Variants in LINGO2 observed in about 807,000 individuals in gnomAD.
LINGO2 encodes leucine rich repeat and Ig domain containing 2, also known as leucine-rich repeat and immunoglobulin-like domain-containing nogo receptor-interacting protein 2.
Under a neutral mutation model 30.6 loss-of-function variants are expected in LINGO2, and 14 were observed. The ratio of observed to expected loss-of-function variants is 0.46; its 90% confidence interval spans 0.30 to 0.72. The LOEUF is 0.72. Among genes scored for constraint, LINGO2 ranks in the 30% least tolerant of loss-of-function variants. The pLI, the probability that LINGO2 is intolerant of heterozygous loss-of-function variation, is 0.07. For missense variants in LINGO2, 729 were observed against 751.7 expected (o/e 0.97, Z 0.35); for synonymous variants, 317 against 288.5 (o/e 1.10, Z -1.00).
At chr9:28,226,264 C>A (rs1272377330) in intron 4 of LINGO2, among the ~76,000 whole-genome samples, 2 of 152,074 alleles carry the variant, frequency 1.3e-5, no homozygotes, top group Non-Finnish European at 2.9e-5. Context: ...CTGGAAAGCT[C>A]AGCTACATCT....
rs539743541 is a variant in LINGO2, at chr9:28,097,049, GAA to G, written c.-86-84646_-86-84645del. 5.3e-3 allele frequency among the ~76,000 whole-genome samples: 806 copies of G among 151,216 alleles called. 5 individuals carry two copies. The highest frequency in any genetic ancestry group is 0.019 in the African/African-American group (781 of 41,234). On this transcript the variant is annotated intron_variant, in intron 4 of 5. Transcript: ENST00000379992. ...AAAAGAAACAAAATTGAAAAAAAAA[GAA>G]GACATTTATGCAGCCAAAAAACACA...
intron 3 of LINGO2, among the ~76,000 whole-genome samples, chr9:28,357,327 C>CCCCAAA (rs55802733): frequency 2.1e-5 from 3 of 139,608 alleles, no homozygotes; most frequent in African/African-American, 5.3e-5. Context: ...CCACCCCCCC[C>CCCCAAA]AAAAAAGAAA....
intron 1 of LINGO2, among the ~76,000 whole-genome samples, chr9:28,669,264 G>A (rs1828923678): frequency 6.6e-6 from 1 of 152,034 alleles, no homozygotes; most frequent in Non-Finnish European, 1.5e-5. Flanking sequence ...TGAGACAAGT[G>A]GACTTGGCTG....
chr9:28,568,827 C>A lies in LINGO2; in HGVS notation c.-364-92802G>T, dbSNP rs188801963. On this transcript the variant is annotated intron_variant, in intron 1 of 5. Coordinates refer to ENST00000379992, the Ensembl canonical transcript of LINGO2. Reference sequence around the variant, plus strand: ...AACGAGTTCATCAAAACTAGATCTGCCTTGGAAAAAATGCTAGACTGTTCT... The same window carrying A: ...AACGAGTTCATCAAAACTAGATCTGACTTGGAAAAAATGCTAGACTGTTCT... Among the ~76,000 whole-genome samples the A allele has an allele frequency of 1.3e-4, 19 of 150,240 alleles. No homozygotes were observed. The East Asian group carries it at 3.3e-3, about 26-fold the overall frequency.
intron 4 of LINGO2, among the ~76,000 whole-genome samples, chr9:28,232,419 CAAAAAA>C (rs1220539550): frequency 1.3e-5 from 1 of 79,802 alleles, no homozygotes. Flanking sequence ...TTCTATCTCA[CAAAAAA>C]AAAAAAAAAA....
At chr9:28,057,640 A>ACACATATATGTATATACATATATATAC (rs1235437530) in intron 4 of LINGO2, among the ~76,000 whole-genome samples, 4 of 97,684 alleles carry the variant, frequency 4.1e-5, no homozygotes, top group Non-Finnish European at 4.8e-5. Flanking sequence ...CACATATATA[A>ACACATATATGTATATACATATATATAC]ACCTGTTCAA....
intron 4 of LINGO2, among the ~76,000 whole-genome samples, chr9:28,266,818 T>C (rs376514558): frequency 3.0e-4 from 46 of 152,154 alleles, no homozygotes; most frequent in East Asian, 1.6e-3. Flanking sequence ...TCCTGGTCCC[T>C]TGTGCCCTGA....
At chr9:29,192,002 G>A in the LINGO2 span, among the ~76,000 whole-genome samples, 2 of 151,928 alleles carry the variant, frequency 1.3e-5, no homozygotes, top group Non-Finnish European at 2.9e-5. Context: ...CAACATTAAT[G>A]TAAAATACCC....
chr9:28,487,941 C>A (rs1051149241), intron 1 of LINGO2, among the ~76,000 whole-genome samples: 1 of 152,066 alleles, frequency 6.6e-6, no homozygotes, highest in Non-Finnish European at 1.5e-5. Context: ...AAAAGCCAAA[C>A]AAAACAAGAG....
the LINGO2 span, among the ~76,000 whole-genome samples, chr9:29,116,390 A>G: frequency 6.6e-6 from 1 of 152,140 alleles, no homozygotes; most frequent in Non-Finnish European, 1.5e-5. Flanking sequence ...TTTTAAAGAT[A>G]AAATCTTCCA....
At chr9:28,967,923 G>T in the LINGO2 span, among the ~76,000 whole-genome samples, 1 of 152,162 alleles carries the variant, frequency 6.6e-6, no homozygotes, top group African/African-American at 2.4e-5. Context: ...CTTTAAGGAA[G>T]TTTTATCAAA....
chr9:29,161,453 A>T, the LINGO2 span, among the ~76,000 whole-genome samples: 18 of 152,210 alleles, frequency 1.2e-4, no homozygotes, highest in African/African-American at 4.3e-4. Context: ...AACTAGGTAA[A>T]GCAAGTATAT....
At chr9:28,621,341 A>G (rs927756719) in intron 1 of LINGO2, among the ~76,000 whole-genome samples, 2 of 151,968 alleles carry the variant, frequency 1.3e-5, no homozygotes, top group African/African-American at 4.8e-5. Flanking sequence ...TGACATATAG[A>G]GTCATACCAT....
the LINGO2 span, among the ~76,000 whole-genome samples, chr9:28,932,902 A>ATATTATTATTATTAT: frequency 4.0e-5 from 6 of 149,796 alleles, no homozygotes; most frequent in Admixed American, 2.0e-4. Flanking sequence ...TCTTTTTATT[A>ATATTATTATTATTAT]TATTATTATT....
At chr9:28,204,653 T>C (rs956436272) in intron 4 of LINGO2, among the ~76,000 whole-genome samples, 20 of 152,166 alleles carry the variant, frequency 1.3e-4, no homozygotes, top group African/African-American at 4.8e-4. Flanking sequence ...CATCAAAGTA[T>C]CATTTGGATT....
the LINGO2 span, among the ~76,000 whole-genome samples, chr9:28,912,581 G>C: frequency 6.6e-6 from 1 of 152,044 alleles, no homozygotes; most frequent in African/African-American, 2.4e-5. Flanking sequence ...CCACTAACTG[G>C]ACAAGTAACC....
intron 4 of LINGO2, among the ~76,000 whole-genome samples, chr9:28,067,481 T>C (rs10968323): frequency 0.059 from 9,001 of 152,248 alleles, 287 homozygotes; most frequent in Non-Finnish European, 0.08. Context: ...AAGAGTTCCA[T>C]ATCTGGAGTT....
chr9:28,490,326 T>C (rs1186766783), intron 1 of LINGO2, among the ~76,000 whole-genome samples: 1 of 152,236 alleles, frequency 6.6e-6, no homozygotes, highest in Non-Finnish European at 1.5e-5. Flanking sequence ...GACTGCTCCT[T>C]ACTAGCTGTA....
the LINGO2 span, among the ~76,000 whole-genome samples, chr9:28,919,313 C>T: frequency 1.3e-5 from 2 of 152,220 alleles, no homozygotes; most frequent in African/African-American, 4.8e-5. Context: ...CAACTGGGGA[C>T]ACATTTCTTA....
Sources: allele counts gnomAD v4.1 joint callset (sites outside exome capture counted in the v4.1 genomes callset), GRCh38; gene constraint gnomAD v4.1.1; transcripts MANE v1.5; gene names NCBI Gene and HGNC (gene_info 2026-07-23, HGNC 2026-07-21).